The following QTMAN variants were observed in gnomAD, a reference collection of about 807,000 sequenced individuals.
QTMAN encodes the protein tRNA-queuosine alpha-mannosyltransferase.
the QTMAN span, among the ~76,000 whole-genome samples, chr2:144,240,853 T>G: frequency 6.6e-6 from 1 of 152,086 alleles, no homozygotes; most frequent in African/African-American, 2.4e-5. Flanking sequence ...CCCAGGAGGG[T>G]GCAGGGTCAG....
chr2:144,072,604 G>A, the QTMAN span, among the ~76,000 whole-genome samples: 2 of 152,164 alleles, frequency 1.3e-5, no homozygotes, highest in Non-Finnish European at 2.9e-5. Flanking sequence ...CTGTTTAGAA[G>A]CTAAGCAGGA....
chr2:144,138,313 C>T, the QTMAN span, among the ~76,000 whole-genome samples: 9 of 151,640 alleles, frequency 5.9e-5, no homozygotes, highest in Non-Finnish European at 1.0e-4. Flanking sequence ...TAACTCAGAA[C>T]AGGAGGAAGG....
At chr2:143,998,294 A>G in the QTMAN span, among the ~76,000 whole-genome samples, 4 of 152,094 alleles carry the variant, frequency 2.6e-5, no homozygotes, top group African/African-American at 9.7e-5. Context: ...CTATGAGTAT[A>G]CATCTGAGTA....
chr2:144,281,577 C>T, the QTMAN span, among the ~76,000 whole-genome samples: 1 of 152,084 alleles, frequency 6.6e-6, no homozygotes, highest in Non-Finnish European at 1.5e-5. Flanking sequence ...TAACCTCTAG[C>T]ACCTCAGAAT....
At chr2:144,060,272 T>G in the QTMAN span, among the ~76,000 whole-genome samples, 1 of 152,124 alleles carries the variant, frequency 6.6e-6, no homozygotes, top group African/African-American at 2.4e-5. Flanking sequence ...TTTTTTTTCT[T>G]TTTTTTGAGA....
the QTMAN span, among the ~76,000 whole-genome samples, chr2:144,226,707 A>G: frequency 6.6e-6 from 1 of 152,160 alleles, no homozygotes; most frequent in South Asian, 2.1e-4. Context: ...GCCATCATCA[A>G]TGAAAAGAGA....
chr2:143,991,109 T>A, the QTMAN span, among the ~76,000 whole-genome samples: 1 of 151,732 alleles, frequency 6.6e-6, no homozygotes, highest in African/African-American at 2.4e-5. Context: ...GAAAAAAAGC[T>A]TAAAAATATG....
chr2:144,145,022 C>T, the QTMAN span, among the ~76,000 whole-genome samples: 1 of 150,520 alleles, frequency 6.6e-6, no homozygotes, highest in African/African-American at 2.4e-5. Flanking sequence ...TATTTTAAGG[C>T]TGTGCCATTT....
At chr2:144,266,168 G>A in the QTMAN span, among the ~76,000 whole-genome samples, 1 of 152,180 alleles carries the variant, frequency 6.6e-6, no homozygotes, top group African/African-American at 2.4e-5. Flanking sequence ...ACTGTGGAGG[G>A]TTACTGGAGA....
chr2:143,976,075 G>A, the QTMAN span, among the ~76,000 whole-genome samples: 11 of 152,196 alleles, frequency 7.2e-5, no homozygotes, highest in South Asian at 2.3e-3. Flanking sequence ...TCAACCAAGT[G>A]GTCATACAAA....
chr2:144,047,437 T>C, the QTMAN span, among the ~76,000 whole-genome samples: 1 of 152,196 alleles, frequency 6.6e-6, no homozygotes, highest in African/African-American at 2.4e-5. Context: ...ACTACTTAAC[T>C]GAAAATTGTA....
the QTMAN span, among the ~76,000 whole-genome samples, chr2:144,292,035 C>T: frequency 6.6e-6 from 1 of 152,290 alleles, no homozygotes; most frequent in East Asian, 1.9e-4. Flanking sequence ...AGACCTTGGG[C>T]AAGTCATTTA....
chr2:143,955,488 G>T, the QTMAN span, among the ~76,000 whole-genome samples: 2 of 151,904 alleles, frequency 1.3e-5, no homozygotes, highest in Non-Finnish European at 2.9e-5. Flanking sequence ...TCATAATAAT[G>T]AACATCATGA....
chr2:144,089,416 C>T, the QTMAN span, among the ~76,000 whole-genome samples: 1 of 151,918 alleles, frequency 6.6e-6, no homozygotes, highest in Non-Finnish European at 1.5e-5. Context: ...CATAGAATTA[C>T]CATTTAATTG....
chr2:144,049,338 AC>A, the QTMAN span, among the ~76,000 whole-genome samples: 1 of 152,330 alleles, frequency 6.6e-6, no homozygotes, highest in African/African-American at 2.4e-5. Flanking sequence ...ACTAAGCCTC[AC>A]ACAATCGGAT....
At chr2:144,236,136 A>G in the QTMAN span, among the ~76,000 whole-genome samples, 3 of 152,092 alleles carry the variant, frequency 2.0e-5, no homozygotes, top group Non-Finnish European at 4.4e-5. Flanking sequence ...AGATTTGCCA[A>G]AAGGTCTATA....
the QTMAN span, among the ~76,000 whole-genome samples, chr2:144,220,665 A>AGTAAC: frequency 6.6e-6 from 1 of 152,312 alleles, no homozygotes; most frequent in Non-Finnish European, 1.5e-5. Context: ...GAGTTAGTTA[A>AGTAAC]TTCCCCCTTG....
At chr2:144,094,963 C>T in the QTMAN span, among the ~76,000 whole-genome samples, 2 of 152,144 alleles carry the variant, frequency 1.3e-5, no homozygotes, top group Admixed American at 6.5e-5. Context: ...ACTTTGTAAA[C>T]CTAGCACCTA....
chr2:144,088,094 T>C, the QTMAN span, among the ~76,000 whole-genome samples: 1 of 151,928 alleles, frequency 6.6e-6, no homozygotes, highest in Non-Finnish European at 1.5e-5. Flanking sequence ...ATAAATGAAT[T>C]CAGTAAAGTT....
Sources: gnomAD v4.1 joint callset for allele counts (sites outside exome capture counted in the v4.1 genomes callset) on GRCh38, gnomAD v4.1.1 for gene constraint, MANE v1.5 for transcripts, NCBI Gene and HGNC (gene_info 2026-07-23, HGNC 2026-07-21) for gene names.